Variants in CFAP52 observed in about 807,000 individuals in gnomAD.
The protein encoded by CFAP52 is cilia and flagella associated protein 52.
Under a neutral mutation model 70.5 loss-of-function variants are expected in CFAP52, and 57 were observed. The observed-to-expected ratio is 0.81, with a 90% confidence interval of 0.65 to 1.01. The LOEUF (loss-of-function observed/expected upper bound fraction) is 1.01, where lower values mean the gene tolerates loss of function less well. CFAP52 is among the 50% of genes least tolerant of loss of function. The probability of loss-of-function intolerance (pLI) is 0.00; values close to 1 mark genes in which losing one functional copy is unlikely to be tolerated. For missense variants in CFAP52, 785 were observed against 788.5 expected, an observed-to-expected ratio of 1.00 and a Z score of 0.05; for synonymous variants, 267 against 292.5, an observed-to-expected ratio of 0.91 and a Z score of 0.89.
At chr17:9,580,536 A>G (rs1288089361) in intron 1 of CFAP52, among the ~76,000 whole-genome samples, 2 of 152,082 alleles carry the variant, frequency 1.3e-5, no homozygotes, top group African/African-American at 4.8e-5. Flanking sequence ...AAAAATACCA[A>G]AAAATAGCCA....
rs200652970 is a variant in CFAP52, at chr17:9,629,491, CTTTCT to C, written c.1174+684_1174+688del. 2.8e-3 allele frequency among the ~76,000 whole-genome samples: 410 copies of C among 144,578 alleles called. 5 individuals are homozygous for C. In the East Asian group the frequency reaches 0.043, roughly 15 times the overall value. 94.8% of individuals were successfully genotyped at this position (144,578 alleles called of 152,430 possible). On this transcript the variant is annotated intron_variant, in intron 9 of 13. Transcript: ENST00000352665. Reference sequence around the variant, plus strand: ...TTTCTTTCCCTTTCTTTCTTTCTTTCTTTCTTTTCTTTTCTTTCTTTCTTTCTTCT... The same window carrying C: ...TTTCTTTCCCTTTCTTTCTTTCTTTCTTTCTTTTCTTTCTTTCTTTCTTCT...
rs539929731 is a variant in CFAP52, at chr17:9,630,714, G to A, written c.1174+1894G>A. On this transcript the variant is annotated intron_variant, in intron 9 of 13. Transcript: ENST00000352665. ...CAAAGTGCTGGGATTACAGGCGTGAGCCACTGCGCCCTGCCCGATTTTTGT... is the reference window on the plus strand; with the variant it reads ...CAAAGTGCTGGGATTACAGGCGTGAACCACTGCGCCCTGCCCGATTTTTGT... Among the ~76,000 whole-genome samples the A allele has an allele frequency of 5.0e-4, 76 of 151,662 alleles. No homozygotes were observed. In the South Asian group the frequency reaches 0.015, roughly 30 times the overall value.
At chr17:9,590,740 G>A (rs1025189366) in intron 3 of CFAP52, among the ~76,000 whole-genome samples, 3 of 152,138 alleles carry the variant, frequency 2.0e-5, no homozygotes, top group African/African-American at 7.2e-5. Context: ...AATCTCTGCT[G>A]TAATTTTAAG....
chr17:9,596,055 GTGTGTA>G (rs1240401626), intron 4 of CFAP52, among the ~76,000 whole-genome samples: 25 of 90,460 alleles, frequency 2.8e-4, no homozygotes, highest in Non-Finnish European at 9.9e-5. Flanking sequence ...ATATATATGT[GTGTGTA>G]TATATATATA....
chr17:9,586,604 G>T, intron 2 of CFAP52, 94 bp from the exon 3 acceptor site: 34 of 1,299,300 alleles, frequency 2.6e-5, no homozygotes, highest in Non-Finnish European at 3.3e-5. Context: ...AAAGAAAAGT[G>T]ACAGTACTAA....
chr17:9,644,393 C>A (rs1911225692), downstream of CFAP52, among the ~76,000 whole-genome samples: 1 of 152,164 alleles, frequency 6.6e-6, no homozygotes, highest in African/African-American at 2.4e-5. Flanking sequence ...GCGTGAGCCA[C>A]CGCGCCCGGC....
At chr17:9,645,385 G>C (rs192726954), downstream of CFAP52, 28 of 266,168 alleles carry the variant, frequency 1.1e-4, no homozygotes, top group African/African-American at 5.6e-4. This position sits in a 1 kb window ranked among gnomAD's most constrained non-coding sequence, Gnocchi z 6.8. Context: ...CTCCCAGTCA[G>C]CGCAGCGGGG....
Position 9,612,345 on chromosome 17 carries a change from A to G in CFAP52, c.891A>G (p.Thr297=). ...TACAAGGCGGCATCACTTCTATCAC[A>G]CTTCGAGGAGAAGGACACCAGTTTC... The part of the protein sequence containing the change: ...IQLQGGITSI[T]LRGEGHQFLV... The change falls in exon 8 of 14, where the codon ACA becomes ACG. Residue 297 remains threonine, a synonymous_variant. Transcript: ENST00000352665. 6.2e-7 allele frequency: 1 copy of G among 1,614,196 alleles called. No individual in the cohort carries two copies. The highest frequency in any genetic ancestry group is 8.5e-7 in the Non-Finnish European group (1 of 1,180,038).
intron 8 of CFAP52, 106 bp from the exon 9 acceptor site, chr17:9,628,566 C>T (rs776242745): frequency 2.2e-5 from 32 of 1,451,476 alleles, no homozygotes; most frequent in African/African-American, 1.7e-4. Flanking sequence ...TTTGAGCCAC[C>T]GCGCCCAGCC....
chr17:9,585,669 T>TCACACA (rs371551896), intron 1 of CFAP52, 104 bp from the exon 2 acceptor site: 4 of 1,085,086 alleles, frequency 3.7e-6, no homozygotes, highest in African/African-American at 1.6e-5. Flanking sequence ...CAAGACTCTG[T>TCACACA]CACACACACA....
At chr17:9,608,791 C>A (rs1459751591) in intron 7 of CFAP52, among the ~76,000 whole-genome samples, 2 of 152,100 alleles carry the variant, frequency 1.3e-5, no homozygotes, top group Non-Finnish European at 2.9e-5. Context: ...GCACCTCCTC[C>A]AACCAAACCA....
At position 9,612,458 on chromosome 17, in the gene CFAP52, T is replaced by C; in HGVS notation, c.1004T>C (p.Val335Ala). ...TLIATCHFDA[V>A]EDIVFPFGTA... is the part of the protein sequence containing the mutation. Reference sequence around the variant, plus strand: ...ATAGCGACTTGTCACTTTGATGCTGTCGAGGATATTGTCTTTCCATTGTGA... The same window carrying C: ...ATAGCGACTTGTCACTTTGATGCTGCCGAGGATATTGTCTTTCCATTGTGA... The change falls in exon 8 of 14, where the codon GTC becomes GCC. Residue 335 changes from valine (V) to alanine (A), a missense_variant. Val to Ala is a moderately conservative substitution (Grantham distance 64). Transcript: ENST00000352665. 6.2e-7 allele frequency: 1 copy of C among 1,614,142 alleles called. No individual in the cohort carries two copies. Among genetic ancestry groups the C allele is most frequent in the South Asian group, 1.1e-5 (1 of 91,078 alleles).
intron 4 of CFAP52, among the ~76,000 whole-genome samples, chr17:9,595,099 CG>C (rs149175006): frequency 1.1e-3 from 172 of 151,996 alleles, no homozygotes; most frequent in African/African-American, 4.0e-3. Context: ...CCACATTGGC[CG>C]GGTTGGTCTC....
intron 7 of CFAP52, among the ~76,000 whole-genome samples, chr17:9,609,601 C>T (rs563311748): frequency 1.8e-4 from 27 of 152,090 alleles, no homozygotes; most frequent in East Asian, 1.9e-4. Flanking sequence ...GAGGCTGAAG[C>T]GGGAGGATTG....
chr17:9,616,276 T>G (rs1200162502), intron 8 of CFAP52, among the ~76,000 whole-genome samples: 5 of 141,674 alleles, frequency 3.5e-5, no homozygotes, highest in Non-Finnish European at 7.6e-5. Context: ...CACCCGAATA[T>G]TGCGCTTTTC....
chr17:9,592,825 G>A (rs1166144755), intron 3 of CFAP52, among the ~76,000 whole-genome samples: 1 of 152,130 alleles, frequency 6.6e-6, no homozygotes, highest in Non-Finnish European at 1.5e-5. Context: ...ATGAACATTC[G>A]TGTACAAGAT....
downstream of CFAP52, among the ~76,000 whole-genome samples, chr17:9,643,614 T>C (rs1462705595): frequency 6.6e-6 from 1 of 152,156 alleles, no homozygotes; most frequent in Non-Finnish European, 1.5e-5. Context: ...CAGATTTAAA[T>C]CCAGATCTTG....
chr17:9,627,518 A>G (rs2151947322), intron 8 of CFAP52, among the ~76,000 whole-genome samples: 1 of 152,282 alleles, frequency 6.6e-6, no homozygotes, highest in Non-Finnish European at 1.5e-5. Context: ...ATAAATAAAT[A>G]AATGAATAAA....
chr17:9,616,276 T>C (rs1200162502), intron 8 of CFAP52, among the ~76,000 whole-genome samples: 2 of 141,674 alleles, frequency 1.4e-5, no homozygotes, highest in Admixed American at 1.4e-4. Context: ...CACCCGAATA[T>C]TGCGCTTTTC....
Sources: gnomAD v4.1 joint callset for allele counts (sites outside exome capture counted in the v4.1 genomes callset) on GRCh38, gnomAD v4.1.1 for gene constraint, Gnocchi (gnomAD v3.1) non-coding constraint, MANE v1.5 for transcripts, NCBI Gene and HGNC (gene_info 2026-07-23, HGNC 2026-07-21) for gene names.